MVB12B: variants seen among roughly 807,000 people sequenced by gnomAD.
The protein encoded by MVB12B is multivesicular body subunit 12B.
Under a neutral mutation model 41.6 loss-of-function variants are expected in MVB12B, and 16 were observed. The ratio of observed to expected loss-of-function variants is 0.38; its 90% CI spans 0.26 to 0.58. The LOEUF (loss-of-function observed/expected upper bound fraction) is 0.58. Ranked by LOEUF, MVB12B falls within the 20% of genes least tolerant of loss-of-function variation. The pLI is 0.62. For missense variants in MVB12B, 274 were observed against 380.2 expected, an observed-to-expected ratio of 0.72 and a Z score of 2.32; for synonymous variants, 133 against 139.7, an observed-to-expected ratio of 0.95 and a Z score of 0.34.
intron 7 of MVB12B, among the ~76,000 whole-genome samples, chr9:126,455,160 ATTTTATTTTATTTTATT>A (rs750862771): frequency 1.5e-3 from 230 of 150,492 alleles, no homozygotes; most frequent in African/African-American, 5.4e-3. Context: ...AGGTGAATTT[ATTTTATTTTATTTTATT>A]TTTTATTTTA....
intron 9 of MVB12B, among the ~76,000 whole-genome samples, chr9:126,496,057 A>G (rs149267915): frequency 2.6e-5 from 4 of 152,100 alleles, no homozygotes; most frequent in Non-Finnish European, 5.9e-5. Flanking sequence ...TGCTGCTGCT[A>G]CAAGGACTAG....
At chr9:126,408,708 T>A (rs1209636739) in intron 6 of MVB12B, among the ~76,000 whole-genome samples, 1 of 152,146 alleles carries the variant, frequency 6.6e-6, no homozygotes, top group African/African-American at 2.4e-5. Flanking sequence ...CCCTTGGCCG[T>A]GTCCTGAGTC....
In MVB12B at chr9:126,391,615, A is replaced by G. The variant is rs1161538353; in HGVS notation, c.410-451A>G. On this transcript the variant is annotated intron_variant, in intron 4 of 9. Transcript: ENST00000361171. This position sits in a 1 kb window ranked among gnomAD's most constrained non-coding sequence, Gnocchi z 4.4. ...GGGAGGAGAGGAAACCAGCTTGTCC[A>G]TTGTGCACAGCATTGACACTGGGTG... Among the ~76,000 whole-genome samples, 1 of 152,190 alleles carries G rather than the reference A, an allele frequency of 6.6e-6. No homozygotes were observed. The highest frequency in any genetic ancestry group is 2.4e-5 in the African/African-American group (1 of 41,438).
At position 126,418,223 on chromosome 9, in the gene MVB12B, G is replaced by A. The variant is rs571341272; in HGVS notation, c.663-3631G>A. 3.3e-5 allele frequency among the ~76,000 whole-genome samples: 5 copies of A among 152,190 alleles called. No homozygotes were observed. In the East Asian group the frequency reaches 7.7e-4, roughly 24 times the overall value. On this transcript the variant is annotated intron_variant, in intron 6 of 9. Coordinates refer to ENST00000361171, the MANE Select transcript of MVB12B (RefSeq NM_033446.3). ...CCAACGAGGGAAGAGAACCTGGGGC[G>A]GGGGTTGAGTTGCAGAGCAAGCCAG...
intron 7 of MVB12B, among the ~76,000 whole-genome samples, chr9:126,426,244 G>GGT (rs1832172287): frequency 6.6e-6 from 1 of 152,160 alleles, no homozygotes; most frequent in Non-Finnish European, 1.5e-5. Context: ...CTAAGCCATG[G>GGT]GTGCTATTCA....
intron 1 of MVB12B, among the ~76,000 whole-genome samples, chr9:126,335,823 T>C (rs1829257850): frequency 6.6e-6 from 1 of 152,388 alleles, no homozygotes; most frequent in Admixed American, 6.5e-5. Context: ...TCAAGCAAGC[T>C]GATCACAAGT....
chr9:126,359,873 T>A (rs1164132224), intron 2 of MVB12B, among the ~76,000 whole-genome samples: 4 of 152,176 alleles, frequency 2.6e-5, no homozygotes, highest in East Asian at 3.8e-4. Flanking sequence ...TTTATCAATT[T>A]AATCAATCTT....
At chr9:126,496,184 TCCAC>T (rs1211949485) in intron 9 of MVB12B, among the ~76,000 whole-genome samples, 33 of 139,198 alleles carry the variant, frequency 2.4e-4, no homozygotes, top group African/African-American at 5.6e-4. Context: ...CATCGACTTG[TCCAC>T]CCACCCACCC....
chr9:126,427,953 T>C (rs1832226765), intron 7 of MVB12B, among the ~76,000 whole-genome samples: 1 of 44,580 alleles, frequency 2.2e-5, no homozygotes, highest in South Asian at 1.3e-3. Context: ...TTCAGCTTTT[T>C]TTCTTTTTTT....
At chr9:126,341,029 C>G (rs73593670) in intron 2 of MVB12B, among the ~76,000 whole-genome samples, 231 of 152,326 alleles carry the variant, frequency 1.5e-3, no homozygotes, top group African/African-American at 5.2e-3. Context: ...TAAAATGTTT[C>G]CTACCCATGA....
chr9:126,379,540 G>GC (rs1259493690), intron 2 of MVB12B, among the ~76,000 whole-genome samples: 1 of 152,124 alleles, frequency 6.6e-6, no homozygotes, highest in Admixed American at 6.5e-5. Flanking sequence ...TGACATACTT[G>GC]GAGCAAACAG....
intron 2 of MVB12B, among the ~76,000 whole-genome samples, chr9:126,368,061 G>A (rs962886503): frequency 1.3e-5 from 2 of 152,208 alleles, no homozygotes; most frequent in Non-Finnish European, 2.9e-5. Flanking sequence ...ATCTAGGTGC[G>A]GAAGGGAAGC....
At chr9:126,397,354 C>T in intron 6 of MVB12B, 1 of 985,402 alleles carries the variant, frequency 1.0e-6, no homozygotes, top group Non-Finnish European at 1.2e-6. Flanking sequence ...AGCAAGACAG[C>T]CGAGAACACC....
intron 7 of MVB12B, among the ~76,000 whole-genome samples, chr9:126,441,000 C>A (rs749574943): frequency 6.6e-6 from 1 of 152,162 alleles, no homozygotes; most frequent in African/African-American, 2.4e-5. Flanking sequence ...ATGATGAATG[C>A]GGCGAGGCCT....
Position 126,504,496 on chromosome 9 carries a change from AC to A in MVB12B, c.*1235del, listed in dbSNP as rs1834027307. On this transcript the variant is annotated 3_prime_UTR_variant, in exon 10 of 10. Coordinates refer to ENST00000361171, the MANE Select transcript of MVB12B (RefSeq NM_033446.3). The stretch of plus-strand genomic sequence containing the variant: ...TGATGCTGCGGTTGGGGGCTGCACT[AC>A]CTGCGTCCGTGGAAGCCTCTGCCTC... 1 of 152,476 alleles carries A rather than the reference AC, an allele frequency of 6.6e-6. No individual in the cohort carries two copies. Among genetic ancestry groups the A allele is most frequent in the African/African-American group, 2.4e-5 (1 of 41,468 alleles). The allele number at this position is 152,476 out of a possible 1,614,324, so 9.4% of individuals were successfully genotyped here. A position where few individuals can be genotyped will look rare whatever the true frequency, so the allele number is the denominator to read the frequency against.
Position 126,392,443 on chromosome 9 carries a change from T to TC in MVB12B, c.539+249dup, listed in dbSNP as rs1186284241. 6.6e-6 allele frequency among the ~76,000 whole-genome samples: 1 copy of TC among 152,214 alleles called. No homozygotes were observed. The highest frequency in any genetic ancestry group is 1.5e-5 in the Non-Finnish European group (1 of 68,042). On this transcript the variant is annotated intron_variant, in intron 5 of 9. Transcript: ENST00000361171. The surrounding 1 kb of genome is among the most constrained non-coding windows in gnomAD (Gnocchi z 4.8). ...TCTGCGCATTCAGCCTTGAAGCTCC[T>TC]CTGGGTCCTTCCCCGACACCCTGTG...
chr9:126,477,927 C>T (rs529344474), intron 7 of MVB12B, among the ~76,000 whole-genome samples: 1 of 152,326 alleles, frequency 6.6e-6, no homozygotes, highest in South Asian at 2.1e-4. Context: ...GAAAGCCAGG[C>T]TTACGGGACC....
At chr9:126,383,455 T>C (rs1029642546) in intron 3 of MVB12B, among the ~76,000 whole-genome samples, 1 of 152,122 alleles carries the variant, frequency 6.6e-6, no homozygotes, top group Admixed American at 6.5e-5. Context: ...ATAGATTAGG[T>C]AGGGAGGATA....
intron 2 of MVB12B, among the ~76,000 whole-genome samples, chr9:126,352,972 T>G (rs1297092379): frequency 6.6e-6 from 1 of 152,234 alleles, no homozygotes; most frequent in Non-Finnish European, 1.5e-5. Context: ...GGAGCCATCT[T>G]TCTCAATTTT....
Sources: allele counts gnomAD v4.1 joint callset (sites outside exome capture counted in the v4.1 genomes callset), GRCh38; gene constraint gnomAD v4.1.1; non-coding constraint Gnocchi (gnomAD v3.1); transcripts MANE v1.5; gene names NCBI Gene and HGNC (gene_info 2026-07-23, HGNC 2026-07-21).